Variants in NDUFA5 observed in about 807,000 individuals in gnomAD.
NDUFA5 encodes NADH dehydrogenase [ubiquinone] 1 alpha subcomplex subunit 5.
Under a neutral mutation model 19.8 loss-of-function variants are expected in NDUFA5, and 11 were observed. The ratio of observed to expected loss-of-function variants is 0.56; its 90% CI spans 0.35 to 0.92. NDUFA5 has a LOEUF of 0.92. Among genes scored for constraint, NDUFA5 ranks in the 40% least tolerant of loss-of-function variants. The pLI is 0.01. For synonymous variants in NDUFA5, 47 were observed against 46.8 expected, an observed-to-expected ratio of 1.00 and a Z score of -0.01; for missense variants, 109 against 134.2, an observed-to-expected ratio of 0.81 and a Z score of 0.93.
intron 2 of NDUFA5, among the ~76,000 whole-genome samples, chr7:123,553,439 A>G: frequency 6.6e-6 from 1 of 152,190 alleles, no homozygotes. Context: ...CCATGATTCA[A>G]TTACCTCCCA....
the NDUFA5 span, among the ~76,000 whole-genome samples, chr7:123,591,946 G>T: frequency 1.3e-5 from 2 of 151,996 alleles, no homozygotes; most frequent in Non-Finnish European, 2.9e-5. Flanking sequence ...TTTTTTGTTG[G>T]TAGGCTATTA....
intron 4 of NDUFA5, among the ~76,000 whole-genome samples, chr7:123,544,498 C>CAAAAA (rs754788912): frequency 1.4e-5 from 1 of 72,950 alleles, no homozygotes; most frequent in Non-Finnish European, 2.7e-5. Flanking sequence ...AACTCCATCT[C>CAAAAA]AAAAAAAAAA....
chr7:123,560,583 A>G (rs1396387458), upstream of NDUFA5, among the ~76,000 whole-genome samples: 3 of 152,204 alleles, frequency 2.0e-5, no homozygotes, highest in African/African-American at 7.2e-5. Flanking sequence ...ACAGTTCTGA[A>G]GGCTGATAAG....
rs75482423 is a variant in NDUFA5, at chr7:123,557,338, A to C, written c.66+66T>G. 1,997 of 1,606,386 alleles carry C rather than the reference A, an allele frequency of 1.2e-3. 21 individuals carry two copies. The African/African-American group carries it at 0.024, about 19-fold the overall frequency. On this transcript the variant is annotated intron_variant, in intron 2 of 4. Transcript: ENST00000355749. Reference sequence around the variant, plus strand: ...TCTGTATCCCGTTAACCCTGCAATAAGCAAAGTGACAGGAATTTAGTCTTC... The same window carrying C: ...TCTGTATCCCGTTAACCCTGCAATACGCAAAGTGACAGGAATTTAGTCTTC...
At chr7:123,591,609 T>A in the NDUFA5 span, among the ~76,000 whole-genome samples, 2 of 152,166 alleles carry the variant, frequency 1.3e-5, no homozygotes, top group Admixed American at 1.3e-4. Context: ...ATTTATTGAT[T>A]TGTGTATAAT....
the NDUFA5 span, among the ~76,000 whole-genome samples, chr7:123,594,811 T>C: frequency 6.6e-6 from 1 of 152,178 alleles, no homozygotes; most frequent in East Asian, 1.9e-4. Context: ...ACCACTGCTC[T>C]CTTCAGAGCT....
upstream of NDUFA5, among the ~76,000 whole-genome samples, chr7:123,558,684 G>T (rs1306324539): frequency 6.6e-6 from 1 of 152,176 alleles, no homozygotes; most frequent in Non-Finnish European, 1.5e-5. Flanking sequence ...TAAATTCCAG[G>T]TGATTTTATG....
chr7:123,599,484 G>T, the NDUFA5 span, among the ~76,000 whole-genome samples: 1 of 152,134 alleles, frequency 6.6e-6, no homozygotes, highest in Non-Finnish European at 1.5e-5. Flanking sequence ...TAAAATCCAG[G>T]CCTGCAAGTG....
the NDUFA5 span, among the ~76,000 whole-genome samples, chr7:123,567,490 G>A: frequency 1.3e-5 from 2 of 152,270 alleles, no homozygotes; most frequent in East Asian, 1.9e-4. Flanking sequence ...TTAAGTGTTG[G>A]AAGAGTTAGG....
chr7:123,554,794 C>A (rs763437890), intron 2 of NDUFA5: 1 of 152,098 alleles, frequency 6.6e-6, no homozygotes, highest in Non-Finnish European at 1.5e-5. Context: ...AGCAATCCTG[C>A]TGCCTCTGCC....
At chr7:123,545,811 T>G in intron 3 of NDUFA5, 135 bp from the exon 4 acceptor site, 1 of 602,630 alleles carries the variant, frequency 1.7e-6, no homozygotes, top group African/African-American at 1.9e-5. Context: ...TTACTAAATA[T>G]TTGGTGAAAA....
the NDUFA5 span, among the ~76,000 whole-genome samples, chr7:123,600,568 T>C: frequency 2.6e-5 from 4 of 152,212 alleles, no homozygotes; most frequent in Admixed American, 2.0e-4. Context: ...GAATTCTTCA[T>C]TGAAAAATTC....
the NDUFA5 span, among the ~76,000 whole-genome samples, chr7:123,571,864 G>A: frequency 2.0e-5 from 3 of 151,864 alleles, no homozygotes; most frequent in East Asian, 3.9e-4. Context: ...TCCTGGGCCC[G>A]AGTGATCCTC....
intron 3 of NDUFA5, among the ~76,000 whole-genome samples, chr7:123,547,280 T>A (rs532069332): frequency 1.9e-4 from 29 of 152,304 alleles, no homozygotes; most frequent in African/African-American, 5.1e-4. Flanking sequence ...CATACGAAAT[T>A]AATACATAGT....
the NDUFA5 span, among the ~76,000 whole-genome samples, chr7:123,599,809 T>G: frequency 6.6e-6 from 1 of 152,208 alleles, no homozygotes; most frequent in African/African-American, 2.4e-5. Flanking sequence ...AGTGTCATTT[T>G]GTATACCTTC....
chr7:123,588,813 A>T, the NDUFA5 span, among the ~76,000 whole-genome samples: 3 of 149,400 alleles, frequency 2.0e-5, no homozygotes, highest in South Asian at 2.1e-4. Flanking sequence ...TTCCCTTTTG[A>T]TTTCTTTTTT....
At position 123,557,810 on chromosome 7, in the gene NDUFA5, C is replaced by T. The variant is rs1798622671; in HGVS notation, c.-15G>A. On this transcript the variant is annotated 5_prime_UTR_variant, in exon 1 of 5. Coordinates refer to ENST00000355749, the MANE Select transcript of NDUFA5 (RefSeq NM_005000.5). ...ACACCCGCCATGACAGCGCCAACGACTCGGTGACGCACAACCCTTTGGGAA... is the reference window on the plus strand; with the variant it reads ...ACACCCGCCATGACAGCGCCAACGATTCGGTGACGCACAACCCTTTGGGAA... 1.2e-6 allele frequency: 2 copies of T among 1,614,030 alleles called. No homozygotes were observed. The highest frequency in any genetic ancestry group is 2.2e-5 in the South Asian group (2 of 91,078).
At chr7:123,592,667 T>C in the NDUFA5 span, among the ~76,000 whole-genome samples, 5 of 152,220 alleles carry the variant, frequency 3.3e-5, no homozygotes, top group Non-Finnish European at 5.9e-5. Flanking sequence ...TTGCGATTTC[T>C]GTTCTTTTAC....
At chr7:123,574,944 AT>A in the NDUFA5 span, among the ~76,000 whole-genome samples, 1 of 142,068 alleles carries the variant, frequency 7.0e-6, no homozygotes, top group South Asian at 2.2e-4. Context: ...TTTAAGACAC[AT>A]AGGGGAGAAA....
Sources: gnomAD v4.1 joint callset for allele counts (sites outside exome capture counted in the v4.1 genomes callset) on GRCh38, gnomAD v4.1.1 for gene constraint, MANE v1.5 for transcripts, NCBI Gene and HGNC (gene_info 2026-07-23, HGNC 2026-07-21) for gene names.